Variants in RPS6KC1 observed in about 807,000 individuals in gnomAD.
RPS6KC1 encodes the protein inactive ribosomal protein S6 kinase delta-1.
RPS6KC1 carries 54 observed loss-of-function variants against 103.8 expected under a neutral mutation model. That is an observed-to-expected ratio of 0.52 (90% confidence interval 0.42 to 0.65). The LOEUF (loss-of-function observed/expected upper bound fraction) is 0.65. Among genes scored for constraint, RPS6KC1 ranks in the 30% least tolerant of loss-of-function variants. RPS6KC1 has a pLI of 0.00. For missense variants in RPS6KC1, 1,151 were observed against 1,253.8 expected (o/e 0.92, Z 1.24); for synonymous variants, 439 against 438.7 (o/e 1.00, Z -0.01).
chr1:213,719,767 G>A, the RPS6KC1 span, among the ~76,000 whole-genome samples: 1 of 152,128 alleles, frequency 6.6e-6, no homozygotes, highest in African/African-American at 2.4e-5. Context: ...AGGGTGCCCA[G>A]GTGTCATACA....
chr1:213,753,864 G>A, the RPS6KC1 span, among the ~76,000 whole-genome samples: 4 of 152,184 alleles, frequency 2.6e-5, no homozygotes, highest in African/African-American at 9.7e-5. Flanking sequence ...TACATCACAT[G>A]AACAATGGAT....
At chr1:213,238,583 T>C (rs188418843) in intron 10 of RPS6KC1, among the ~76,000 whole-genome samples, 4 of 152,362 alleles carry the variant, frequency 2.6e-5, no homozygotes, top group African/African-American at 4.8e-5. Context: ...AGTAAGGATC[T>C]AGTCGTAGTT....
the RPS6KC1 span, among the ~76,000 whole-genome samples, chr1:213,420,075 T>C: frequency 6.6e-6 from 1 of 152,232 alleles, no homozygotes; most frequent in African/African-American, 2.4e-5. Context: ...CCTTGTCGAT[T>C]GCTCTTCAAT....
the RPS6KC1 span, among the ~76,000 whole-genome samples, chr1:213,397,582 A>AAC: frequency 1.1e-5 from 1 of 89,132 alleles, no homozygotes; most frequent in African/African-American, 3.7e-5. Flanking sequence ...AAGAGTCAGG[A>AAC]ACACATACAC....
chr1:213,394,463 C>T, the RPS6KC1 span, among the ~76,000 whole-genome samples: 5 of 152,054 alleles, frequency 3.3e-5, no homozygotes, highest in Non-Finnish European at 5.9e-5. Context: ...CTGCCAGCCT[C>T]GGAATGCTGG....
chr1:213,714,997 G>T, the RPS6KC1 span, among the ~76,000 whole-genome samples: 4 of 152,194 alleles, frequency 2.6e-5, no homozygotes, highest in East Asian at 1.9e-4. Context: ...GTCAGCAGGT[G>T]CAGGAAGTAC....
chr1:213,808,705 G>A, the RPS6KC1 span, among the ~76,000 whole-genome samples: 1 of 152,246 alleles, frequency 6.6e-6, no homozygotes, highest in Admixed American at 6.5e-5. Flanking sequence ...GACTAGGAAA[G>A]GGAACTCCCT....
chr1:213,115,847 A>G (rs921921457), intron 4 of RPS6KC1, among the ~76,000 whole-genome samples: 1 of 152,090 alleles, frequency 6.6e-6, no homozygotes, highest in African/African-American at 2.4e-5. Flanking sequence ...TTCAGTTTCC[A>G]TGTAGTTGAG....
chr1:213,190,911 C>T (rs1019862478), intron 8 of RPS6KC1, among the ~76,000 whole-genome samples: 1 of 152,116 alleles, frequency 6.6e-6, no homozygotes, highest in Non-Finnish European at 1.5e-5. Context: ...GTTGTCCTTT[C>T]CCCAGTGTAT....
At chr1:213,079,070 A>T (rs1039547677) in intron 3 of RPS6KC1, among the ~76,000 whole-genome samples, 1 of 151,934 alleles carries the variant, frequency 6.6e-6, no homozygotes, top group Admixed American at 6.6e-5. Flanking sequence ...CAGTATATAT[A>T]TTTTTTCTTT....
the RPS6KC1 span, among the ~76,000 whole-genome samples, chr1:213,357,572 C>T: frequency 6.6e-6 from 1 of 152,166 alleles, no homozygotes; most frequent in African/African-American, 2.4e-5. Flanking sequence ...GAAGGTCTGA[C>T]CAGCAGGGCT....
At chr1:213,844,967 A>G in the RPS6KC1 span, among the ~76,000 whole-genome samples, 1 of 151,874 alleles carries the variant, frequency 6.6e-6, no homozygotes, top group African/African-American at 2.4e-5. Flanking sequence ...CATTACGGGA[A>G]ATACAGCCAT....
the RPS6KC1 span, among the ~76,000 whole-genome samples, chr1:213,418,497 G>A: frequency 6.6e-6 from 1 of 152,138 alleles, no homozygotes; most frequent in Non-Finnish European, 1.5e-5. Flanking sequence ...TCTGGGATGG[G>A]CCCCTGGAAC....
the RPS6KC1 span, among the ~76,000 whole-genome samples, chr1:213,757,870 T>C: frequency 1.5e-3 from 222 of 152,300 alleles, 1 homozygote; most frequent in African/African-American, 5.2e-3. Flanking sequence ...CTGAAAATCA[T>C]AGGGCCCTTA....
chr1:213,565,103 G>A, the RPS6KC1 span, among the ~76,000 whole-genome samples: 2 of 152,184 alleles, frequency 1.3e-5, no homozygotes, highest in Non-Finnish European at 2.9e-5. Flanking sequence ...ACTTCCACCA[G>A]AAAGGTTAAA....
chr1:213,320,912 T>C, the RPS6KC1 span, among the ~76,000 whole-genome samples: 1 of 152,240 alleles, frequency 6.6e-6, no homozygotes, highest in Admixed American at 6.5e-5. Context: ...CCCTTTCCCC[T>C]GCTCTGTTTC....
the RPS6KC1 span, among the ~76,000 whole-genome samples, chr1:213,338,629 A>G: frequency 6.6e-6 from 1 of 152,198 alleles, no homozygotes. Flanking sequence ...TACATTGGGA[A>G]CAATGGCACA....
chr1:213,737,900 T>C, the RPS6KC1 span, among the ~76,000 whole-genome samples: 1 of 152,218 alleles, frequency 6.6e-6, no homozygotes. Flanking sequence ...GTCTCACATC[T>C]TGGAATGCTA....
intron 5 of RPS6KC1, among the ~76,000 whole-genome samples, chr1:213,121,430 A>G (rs556664567): frequency 6.6e-6 from 1 of 152,346 alleles, no homozygotes; most frequent in East Asian, 1.9e-4. Context: ...GTTACTCTTT[A>G]TCTCCTTTGT....
Sources: allele counts gnomAD v4.1 joint callset (sites outside exome capture counted in the v4.1 genomes callset), GRCh38; gene constraint gnomAD v4.1.1; transcripts MANE v1.5; gene names NCBI Gene and HGNC (gene_info 2026-07-23, HGNC 2026-07-21).